SMCR8: variants seen among roughly 807,000 people sequenced by gnomAD.
SMCR8 encodes the protein guanine nucleotide exchange protein SMCR8.
Under a neutral mutation model 56.6 loss-of-function variants are expected in SMCR8, and 30 were observed. That is an observed-to-expected ratio of 0.53 (90% CI 0.40 to 0.72). The LOEUF is 0.72. SMCR8 is among the 30% of genes least tolerant of loss of function. The pLI, the probability that SMCR8 is intolerant of heterozygous loss-of-function variation, is 0.00. For synonymous variants in SMCR8, 538 were observed against 456.0 expected, an observed-to-expected ratio of 1.18 and a Z score of -2.29; for missense variants, 1,198 against 1,157.0, an observed-to-expected ratio of 1.04 and a Z score of -0.51.
At position 18,327,503 on chromosome 17, in the gene SMCR8, G is replaced by A. The variant is rs1207680136; in HGVS notation, c.*4433G>A. On this transcript the variant is annotated 3_prime_UTR_variant, in exon 2 of 2. Coordinates refer to ENST00000406438, the MANE Select transcript of SMCR8 (RefSeq NM_144775.3). ...CAGCAGCTGCTCCACCCACAATAAA[G>A]CAAACGCCGACAGGCTAGACCCCAG... 6.6e-6 allele frequency: 1 copy of A among 152,224 alleles called. No individual in the cohort carries two copies. Among genetic ancestry groups the A allele is most frequent in the Admixed American group, 6.5e-5 (1 of 15,276 alleles). The allele number at this position is 152,224 out of a possible 1,614,324, so 9.4% of individuals were successfully genotyped here.
Position 18,325,667 on chromosome 17 carries a change from C to CT in SMCR8, c.*2598dup, listed in dbSNP as rs1982628856. The CT allele has an allele frequency of 6.6e-6, 1 of 152,276 alleles. No individual in the cohort carries two copies. The highest frequency in any genetic ancestry group is 2.4e-5 in the African/African-American group (1 of 41,472). 9.4% of individuals were successfully genotyped at this position (152,276 alleles called of 1,614,324 possible). A position where few individuals can be genotyped will look rare whatever the true frequency, so the allele number is the denominator to read the frequency against. ...TAACACTGGGAAGCCCTGCCCCTCC[C>CT]TATGCCCCCTTCACTCCGGGGAACT... On this transcript the variant is annotated 3_prime_UTR_variant, in exon 2 of 2. Transcript: ENST00000406438.
Position 18,317,958 on chromosome 17 carries a change from C to T in SMCR8, c.2169C>T (p.Ala723=). Residue 723 remains alanine, a synonymous_variant, in exon 1 of 2, where the codon GCC becomes GCT. Coordinates refer to ENST00000406438, the MANE Select transcript of SMCR8 (RefSeq NM_144775.3). The stretch of plus-strand genomic sequence containing the variant: ...GCCAGTACCCCTTTGCCCACCCAGC[C>T]ATCTACTCCCTGCTCAGTGGGAGGA... ...FIRQYPFAHP[A]IYSLLSGRTL... 6.2e-7 allele frequency: 1 copy of T among 1,614,246 alleles called. No individual in the cohort carries two copies. The highest frequency in any genetic ancestry group is 8.5e-7 in the Non-Finnish European group (1 of 1,180,046).
intron 1 of SMCR8, among the ~76,000 whole-genome samples, chr17:18,319,892 T>G (rs1982445699): frequency 2.0e-5 from 3 of 152,136 alleles, no homozygotes; most frequent in African/African-American, 7.2e-5. Context: ...GGCTAATTTT[T>G]GTATCTTTAG....
Position 18,327,054 on chromosome 17 carries a change from A to G in SMCR8, c.*3984A>G, listed in dbSNP as rs1982681156. ...CCCAAAACTGTGATGGAACATAATA[A>G]AACTGGAGATATGGTTTTTAACACT... On this transcript the variant is annotated 3_prime_UTR_variant, in exon 2 of 2. Transcript: ENST00000406438. The G allele has an allele frequency of 6.6e-6, 1 of 152,512 alleles. No homozygotes were observed. Among genetic ancestry groups the G allele is most frequent in the Non-Finnish European group, 1.5e-5 (1 of 68,050 alleles). 9.4% of individuals were successfully genotyped at this position (152,512 alleles called of 1,614,324 possible).
In SMCR8 at chr17:18,324,681, G is replaced by A. The variant is rs576411117; in HGVS notation, c.*1611G>A. 6.6e-6 allele frequency: 1 copy of A among 152,414 alleles called. No individual in the cohort carries two copies. Among genetic ancestry groups the A allele is most frequent in the Non-Finnish European group, 1.5e-5 (1 of 68,060 alleles). The allele number at this position is 152,414 out of a possible 1,614,324, so 9.4% of individuals were successfully genotyped here. Reference sequence around the variant, plus strand: ...AGTGACCGAAGAGGGCTTGCATCACGTCACTCCAGTGGTTCCCTCCTTGTC... The same window carrying A: ...AGTGACCGAAGAGGGCTTGCATCACATCACTCCAGTGGTTCCCTCCTTGTC... On this transcript the variant is annotated 3_prime_UTR_variant, in exon 2 of 2. Coordinates refer to ENST00000406438, the MANE Select transcript of SMCR8 (RefSeq NM_144775.3).
rs1398362354 is a variant in SMCR8 at position 18,315,359 on chromosome 17, G to A, written c.-431G>A. ...GTTGTGGCGTCCTAGGAGCCGCGAC[G>A]GTTTCTGCCCTCGGGCAGTGAGGGG... On this transcript the variant is annotated 5_prime_UTR_variant, in exon 1 of 2. Transcript: ENST00000406438. The A allele has an allele frequency of 6.2e-6, 1 of 161,282 alleles. No individual in the cohort carries two copies. The highest frequency in any genetic ancestry group is 2.4e-5 in the African/African-American group (1 of 41,638). The allele number at this position is 161,282 out of a possible 1,614,324, so 10.0% of individuals were successfully genotyped here. A position where few individuals can be genotyped will look rare whatever the true frequency, so the allele number is the denominator to read the frequency against.
rs547772419 is a variant in SMCR8, at chr17:18,326,772, G to T, written c.*3702G>T. 6.6e-6 allele frequency: 1 copy of T among 152,444 alleles called. No homozygotes were observed. The highest frequency in any genetic ancestry group is 1.9e-4 in the East Asian group (1 of 5,184). The allele number at this position is 152,444 out of a possible 1,614,324, so 9.4% of individuals were successfully genotyped here. A position where few individuals can be genotyped will look rare whatever the true frequency, so the allele number is the denominator to read the frequency against. Reference sequence around the variant, plus strand: ...GTCTTGCATGTGCTGACTGCTGCCCGCAGTGCTGAACATGCCCCACCGCCC... The same window carrying T: ...GTCTTGCATGTGCTGACTGCTGCCCTCAGTGCTGAACATGCCCCACCGCCC... On this transcript the variant is annotated 3_prime_UTR_variant, in exon 2 of 2. Coordinates refer to ENST00000406438, the MANE Select transcript of SMCR8 (RefSeq NM_144775.3).
In SMCR8 at chr17:18,315,667, G is replaced by C. The variant is rs1982233877; in HGVS notation, c.-123G>C. On this transcript the variant is annotated 5_prime_UTR_variant, in exon 1 of 2. Coordinates refer to ENST00000406438, the MANE Select transcript of SMCR8 (RefSeq NM_144775.3). Reference sequence around the variant, plus strand: ...AGAAGCAGCCTAGGACCCCGGGTTCGGGGAGTCGCAAAGAAGGCCGTAAGG... The same window carrying C: ...AGAAGCAGCCTAGGACCCCGGGTTCCGGGAGTCGCAAAGAAGGCCGTAAGG... 2.2e-6 allele frequency: 2 copies of C among 916,810 alleles called. No homozygotes were observed. The highest frequency in any genetic ancestry group is 3.3e-5 in the African/African-American group (2 of 60,260). The allele number at this position is 916,810 out of a possible 1,614,324, so 56.8% of individuals were successfully genotyped here.
rs746669711 is a variant in SMCR8, at chr17:18,317,788, A to G, written c.1999A>G (p.Ser667Gly). The change falls in exon 1 of 2, where the codon AGC (serine) becomes GGC (glycine). Residue 667 changes from serine to glycine, a missense_variant. Ser to Gly is a moderately conservative substitution (Grantham distance 56, BLOSUM62 0). Coordinates refer to ENST00000406438, the MANE Select transcript of SMCR8 (RefSeq NM_144775.3). The part of the protein sequence containing the change: ...LLASRDISKT[S>G]LDNYSDTTSY... Reference sequence around the variant, plus strand: ...GGCTAGCCGGGACATCAGTAAGACCAGCCTGGACAACTACTCAGACACCAC... The same window carrying G: ...GGCTAGCCGGGACATCAGTAAGACCGGCCTGGACAACTACTCAGACACCAC... 6.2e-7 allele frequency: 1 copy of G among 1,614,158 alleles called. No homozygotes were observed. Among genetic ancestry groups the G allele is most frequent in the South Asian group, 1.1e-5 (1 of 91,088 alleles).
In SMCR8 at chr17:18,322,360, C is replaced by A. The variant is rs16961148; in HGVS notation, c.2361-257C>A. ...AGGCCCCACTGAAAGCTTGCCATGG[C>A]TCCAAAAAAGAGTCCATTCAGCAGG... On this transcript the variant is annotated intron_variant, in intron 1 of 1. Transcript: ENST00000406438. Among the ~76,000 whole-genome samples, 89 of 152,246 alleles carry A rather than the reference C, an allele frequency of 5.8e-4. No homozygotes were observed. The East Asian group carries it at 6.8e-3, about 12-fold the overall frequency.
At chr17:18,322,470 C>CAA in intron 1 of SMCR8, 147 bp from the exon 2 acceptor site, 1 of 691,248 alleles carries the variant, frequency 1.4e-6, no homozygotes, top group South Asian at 1.8e-5. Context: ...TTGAAGATTA[C>CAA]AATGATCAGA....
chr17:18,318,247 G>A (rs1567759260), intron 1 of SMCR8, 98 bp downstream of exon 1: 1 of 1,186,006 alleles, frequency 8.4e-7, no homozygotes, highest in Non-Finnish European at 1.2e-6. Flanking sequence ...CTTCTAGACA[G>A]GGCCCAGTTC....
At chr17:18,318,395 G>GTTTCTA (rs1198875434) in intron 1 of SMCR8, among the ~76,000 whole-genome samples, 11 of 152,240 alleles carry the variant, frequency 7.2e-5, no homozygotes, top group Admixed American at 2.0e-4. Context: ...ATTAGGGAAA[G>GTTTCTA]TTTTTATTTT....
At chr17:18,319,406 A>G (rs1262145342) in intron 1 of SMCR8, among the ~76,000 whole-genome samples, 2 of 152,034 alleles carry the variant, frequency 1.3e-5, no homozygotes, top group South Asian at 4.2e-4. Flanking sequence ...CCTGAGGCCC[A>G]GCTTTAAAAA....
Position 18,316,059 on chromosome 17 carries a change from C to T in SMCR8, c.270C>T (p.Phe90=), listed in dbSNP as rs756427823. 3 of 1,614,172 alleles carry T rather than the reference C, an allele frequency of 1.9e-6. No individual in the cohort carries two copies. The highest frequency in any genetic ancestry group is 1.7e-5 in the Admixed American group (1 of 60,028). Residue 90 remains phenylalanine (F), a synonymous_variant, in exon 1 of 2, where the codon TTC becomes TTT. Coordinates refer to ENST00000406438, the MANE Select transcript of SMCR8 (RefSeq NM_144775.3). The part of the protein sequence containing the change: ...KVFGTFDLNY[F]SLRIMSVDYQ... ...TTGGCACTTTTGATCTCAATTACTT[C>T]TCCCTGCGTATCATGTCTGTGGATT...
chr17:18,315,698 A>C lies in SMCR8; in HGVS notation c.-92A>C. On this transcript the variant is annotated 5_prime_UTR_variant, in exon 1 of 2. Coordinates refer to ENST00000406438, the MANE Select transcript of SMCR8 (RefSeq NM_144775.3). ...TCGCAAAGAAGGCCGTAAGGGCTTC[A>C]CTTCCTTCTCCGGAGGCCTGCCTTC... 20 of 1,229,340 alleles carry C rather than the reference A, an allele frequency of 1.6e-5. No homozygotes were observed. The highest frequency in any genetic ancestry group is 2.3e-5 in the Non-Finnish European group (20 of 881,508). 76.2% of individuals were successfully genotyped at this position (1,229,340 alleles called of 1,614,324 possible).
In SMCR8 at chr17:18,317,879, T is replaced by G. The variant is rs747667903; in HGVS notation, c.2090T>G (p.Leu697Arg). Reference protein sequence around the residue: ...DRIPSAYPAGLSSDRHKKRAG... With the variant: ...DRIPSAYPAGRSSDRHKKRAG... Reference sequence around the variant, plus strand: ...ATCCCCTCTGCTTATCCTGCTGGCCTGTCTTCCGATAGGCATAAAAAGAGG... The same window carrying G: ...ATCCCCTCTGCTTATCCTGCTGGCCGGTCTTCCGATAGGCATAAAAAGAGG... Residue 697 changes from leucine to arginine, a missense_variant, in exon 1 of 2, where the codon CTG becomes CGG. By Grantham distance (102) the Leu-to-Arg change is moderately radical. Coordinates refer to ENST00000406438, the MANE Select transcript of SMCR8 (RefSeq NM_144775.3). 6.2e-7 allele frequency: 1 copy of G among 1,614,172 alleles called. No homozygotes were observed. Among genetic ancestry groups the G allele is most frequent in the Non-Finnish European group, 8.5e-7 (1 of 1,180,032 alleles).
Position 18,316,777 on chromosome 17 carries a change from T to G in SMCR8, c.988T>G (p.Tyr330Asp). 6.2e-7 allele frequency: 1 copy of G among 1,614,204 alleles called. No homozygotes were observed. The change falls in exon 1 of 2, where the codon TAT becomes GAT. Residue 330 changes from tyrosine (Y) to aspartate (D), a missense_variant. Transcript: ENST00000406438. ...KTLEELCDTE[Y>D]FTQTLAQLSH... is the part of the protein sequence containing the mutation. ...CTTGGAGGAGCTCTGTGACACTGAA[T>G]ATTTCACCCAGACCCTGGCTCAGCT... is the stretch of plus-strand genomic sequence containing the variant.
chr17:18,322,101 T>C (rs1227772292), intron 1 of SMCR8, among the ~76,000 whole-genome samples: 1 of 152,200 alleles, frequency 6.6e-6, no homozygotes, highest in Admixed American at 6.5e-5. Context: ...AAGCTCTGCC[T>C]CCTGGGTTCA....
Sources: gnomAD v4.1 joint callset for allele counts (sites outside exome capture counted in the v4.1 genomes callset) on GRCh38, gnomAD v4.1.1 for gene constraint, MANE v1.5 for transcripts, NCBI Gene and HGNC (gene_info 2026-07-23, HGNC 2026-07-21) for gene names.